Variants in CLASP2 observed in about 807,000 individuals in gnomAD.
The protein encoded by CLASP2 is CLIP-associating protein 2.
A neutral mutation model predicts 194.4 loss-of-function variants in CLASP2; 47 were observed. The ratio of observed to expected loss-of-function variants is 0.24; its 90% confidence interval spans 0.19 to 0.31. CLASP2 has a LOEUF of 0.31. Among genes scored for constraint, CLASP2 ranks in the 10% least tolerant of loss-of-function variants. CLASP2 has a pLI of 1.00. For missense variants in CLASP2, 1,445 were observed against 1,823.6 expected, an observed-to-expected ratio of 0.79 and a Z score of 3.78; for synonymous variants, 619 against 633.5, an observed-to-expected ratio of 0.98 and a Z score of 0.34.
At chr3:33,670,119 T>TAC (rs201386330) in intron 6 of CLASP2, among the ~76,000 whole-genome samples, 8 of 151,906 alleles carry the variant, frequency 5.3e-5, no homozygotes, top group African/African-American at 9.6e-5. Context: ...CACATATATA[T>TAC]ACACACACAC....
intron 21 of CLASP2, among the ~76,000 whole-genome samples, chr3:33,585,302 T>A (rs2067108970): frequency 6.6e-6 from 1 of 152,232 alleles, no homozygotes; most frequent in Admixed American, 6.5e-5. Context: ...CTATATACAG[T>A]CATATGTCAC....
intron 35 of CLASP2, 44 bp downstream of exon 35, chr3:33,516,935 AAG>A: frequency 6.6e-7 from 1 of 1,503,968 alleles, no homozygotes; most frequent in Non-Finnish European, 9.2e-7. Flanking sequence ...GGCAATGTAA[AAG>A]AGACAGGAAG....
At chr3:33,651,722 T>G (rs989810537) in intron 7 of CLASP2, among the ~76,000 whole-genome samples, 8 of 149,472 alleles carry the variant, frequency 5.4e-5, no homozygotes, top group Non-Finnish European at 8.9e-5. Flanking sequence ...TGCAATGGTG[T>G]GATCTTGGCT....
chr3:33,568,758 G>A (rs536431764), intron 26 of CLASP2, among the ~76,000 whole-genome samples: 7 of 151,992 alleles, frequency 4.6e-5, no homozygotes, highest in Admixed American at 1.3e-4. Flanking sequence ...GAAAATAGTT[G>A]CTGAGTCTGA....
intron 10 of CLASP2, among the ~76,000 whole-genome samples, chr3:33,626,316 T>TG (rs2078042844): frequency 6.6e-6 from 1 of 152,172 alleles, no homozygotes; most frequent in African/African-American, 2.4e-5. Context: ...CCCTTTTCTC[T>TG]GGCTTCTTGA....
At chr3:33,610,529 C>G (rs1268124908) in intron 13 of CLASP2, among the ~76,000 whole-genome samples, 1 of 152,162 alleles carries the variant, frequency 6.6e-6, no homozygotes, top group East Asian at 1.9e-4. Flanking sequence ...GGTACATTTT[C>G]TGATTTTGTC....
intron 23 of CLASP2, among the ~76,000 whole-genome samples, chr3:33,578,910 C>A (rs1394602761): frequency 6.6e-6 from 1 of 152,110 alleles, no homozygotes; most frequent in Non-Finnish European, 1.5e-5. Context: ...TGCTTTAGGG[C>A]CCTCAGGCTA....
chr3:33,687,279 G>A, intron 4 of CLASP2, 144 bp from the exon 5 acceptor site: 1 of 554,338 alleles, frequency 1.8e-6, no homozygotes, highest in East Asian at 3.1e-5. Context: ...AAGGATATGA[G>A]ACATAAGCAA....
rs1184151042 is a variant in CLASP2 at position 33,573,280 on chromosome 3, A to G, written c.2529T>C (p.Ser843=). ...SDDDANSDAS[S]ACSERSYSSR... ...AACTATAGGAGCGTTCTGAACAAGC[A>G]CTAGATGCATCGCTGTTGGCGTCAT... Residue 843 remains serine, a synonymous_variant, in exon 25 of 39, where the codon AGT becomes AGC. Coordinates refer to ENST00000682230, the MANE Select transcript of CLASP2 (RefSeq NM_001365631.1). 1 of 1,613,922 alleles carries G rather than the reference A, an allele frequency of 6.2e-7. No individual in the cohort carries two copies.
intron 10 of CLASP2, among the ~76,000 whole-genome samples, chr3:33,622,851 A>C (rs1328659175): frequency 6.6e-6 from 1 of 150,772 alleles, no homozygotes; most frequent in Non-Finnish European, 1.5e-5. Context: ...TCTGTTGCCC[A>C]GGCTGGAATG....
rs2093370504 is a variant in CLASP2, at chr3:33,717,894, C to T, written c.109G>A (p.Ala37Thr). 1 of 1,555,848 alleles carries T rather than the reference C, an allele frequency of 6.4e-7. No homozygotes were observed. Among genetic ancestry groups the T allele is most frequent in the Non-Finnish European group, 8.7e-7 (1 of 1,150,406 alleles). The change falls in exon 1 of 39, where the codon GCC becomes ACC. Residue 37 changes from alanine to threonine, a missense_variant. By Grantham distance (58) the Ala-to-Thr change is moderately conservative. This residue lies in a region of CLASP2 where 332 missense variants were observed against 325.3 expected (regional missense o/e 1.02). Transcript: ENST00000682230. ...ELLLYLGAPG[A>T]ISDLEEDLGR... Reference sequence around the variant, plus strand: ...AGGTCCTCCTCCAGGTCCGAGATGGCGCCGGGGGCGCCAAGGTAGAGCAGG... The same window carrying T: ...AGGTCCTCCTCCAGGTCCGAGATGGTGCCGGGGGCGCCAAGGTAGAGCAGG...
intron 2 of CLASP2, among the ~76,000 whole-genome samples, chr3:33,690,854 C>T (rs566635777): frequency 4.3e-4 from 65 of 152,186 alleles, no homozygotes; most frequent in African/African-American, 1.1e-3. Flanking sequence ...AAAAACACAT[C>T]GCATGTATAG....
chr3:33,627,258 T>TTA, intron 9 of CLASP2, 178 bp from the exon 10 acceptor site: 2 of 611,404 alleles, frequency 3.3e-6, no homozygotes. Flanking sequence ...TTTATTTTTC[T>TTA]TCCTTACTTG....
chr3:33,518,713 C>T (rs940626091), intron 34 of CLASP2, among the ~76,000 whole-genome samples: 6 of 152,256 alleles, frequency 3.9e-5, no homozygotes, highest in South Asian at 4.1e-4. Flanking sequence ...ATGCTTTTCA[C>T]GGTAGTCAGT....
intron 37 of CLASP2, chr3:33,505,227 AAACAACAACAACAAC>A (rs397874790): frequency 4.3e-5 from 5 of 117,366 alleles, no homozygotes; most frequent in East Asian, 2.4e-4. Flanking sequence ...CCAGAGATAA[AAACAACAACAACAAC>A]AACAACAACA....
chr3:33,528,659 G>A (rs1024933602), intron 34 of CLASP2, among the ~76,000 whole-genome samples: 10 of 152,170 alleles, frequency 6.6e-5, no homozygotes, highest in African/African-American at 2.4e-4. Context: ...CTACTTGGGA[G>A]GTTGAGGCAG....
chr3:33,705,733 T>C (rs2092648459), intron 1 of CLASP2, among the ~76,000 whole-genome samples: 1 of 152,174 alleles, frequency 6.6e-6, no homozygotes, highest in Non-Finnish European at 1.5e-5. Context: ...TACAAGAGAC[T>C]GGAAACTATC....
chr3:33,535,923 GAA>G (rs142158394), intron 33 of CLASP2, among the ~76,000 whole-genome samples: 3 of 107,308 alleles, frequency 2.8e-5, no homozygotes, highest in Admixed American at 1.9e-4. Flanking sequence ...GCTTTAAGGA[GAA>G]AAAAAAAAAA....
chr3:33,563,217 A>G (rs1313224332), intron 27 of CLASP2, among the ~76,000 whole-genome samples: 1 of 152,184 alleles, frequency 6.6e-6, no homozygotes, highest in African/African-American at 2.4e-5. Context: ...ATCATGATGT[A>G]TAATAGCTTC....
Sources: allele counts gnomAD v4.1 joint callset (sites outside exome capture counted in the v4.1 genomes callset), GRCh38; gene constraint gnomAD v4.1.1; regional missense constraint gnomAD v4.1.1; transcripts MANE v1.5; gene names NCBI Gene and HGNC (gene_info 2026-07-23, HGNC 2026-07-21).